The following DOCK7 variants were observed in gnomAD, a reference collection of about 807,000 sequenced individuals.
DOCK7 encodes the protein dedicator of cytokinesis 7, also known as dedicator of cytokinesis protein 7.
Under a neutral mutation model 271.0 loss-of-function variants are expected in DOCK7, and 138 were observed. That is an observed-to-expected ratio of 0.51 (90% confidence interval 0.44 to 0.59). The LOEUF (loss-of-function observed/expected upper bound fraction) is 0.59. Among genes scored for constraint, DOCK7 ranks in the 20% least tolerant of loss-of-function variants. The probability of loss-of-function intolerance (pLI) is 0.00; values close to 1 mark genes in which losing one functional copy is unlikely to be tolerated. For missense variants in DOCK7, 2,066 were observed against 2,592.4 expected, an observed-to-expected ratio of 0.80 and a Z score of 4.41; for synonymous variants, 823 against 876.1, an observed-to-expected ratio of 0.94 and a Z score of 1.07.
intron 1 of DOCK7, among the ~76,000 whole-genome samples, chr1:62,670,499 T>C (rs1294450773): frequency 6.8e-6 from 1 of 147,502 alleles, no homozygotes; most frequent in African/African-American, 2.5e-5. Context: ...TGGAGAACCT[T>C]TATGTCTAGC....
intron 1 of DOCK7, among the ~76,000 whole-genome samples, chr1:62,664,477 C>G (rs1659044838): frequency 6.6e-6 from 1 of 152,122 alleles, no homozygotes; most frequent in African/African-American, 2.4e-5. Context: ...TGAGGCCTCC[C>G]CAGCCATGTG....
intron 48 of DOCK7, among the ~76,000 whole-genome samples, chr1:62,468,163 C>T (rs1421751970): frequency 6.6e-6 from 1 of 151,936 alleles, no homozygotes; most frequent in African/African-American, 2.4e-5. Flanking sequence ...GAGTTCGAGA[C>T]CAGCCTGGCC....
intron 14 of DOCK7, among the ~76,000 whole-genome samples, chr1:62,618,255 C>T (rs1652704454): frequency 6.6e-6 from 1 of 152,108 alleles, no homozygotes; most frequent in Non-Finnish European, 1.5e-5. Context: ...TTTATTAGAA[C>T]ATAATGCAGG....
intron 16 of DOCK7, among the ~76,000 whole-genome samples, chr1:62,580,399 T>C (rs1331847911): frequency 6.6e-6 from 1 of 152,138 alleles, no homozygotes; most frequent in African/African-American, 2.4e-5. Flanking sequence ...TTACCAACAA[T>C]GTCAGATGGC....
In DOCK7 at chr1:62,620,140, T is replaced by G. The variant is rs1652975584; in HGVS notation, c.1426-147A>C. On this transcript the variant is annotated intron_variant, in intron 12 of 49. Coordinates refer to ENST00000635253, the MANE Select transcript of DOCK7 (RefSeq NM_001367561.1). ...TTTGAAACCAGCCTGGCCAACATGG[T>G]GAAACCCCGTCTCTACTAAAAATAC... 7 of 482,356 alleles carry G rather than the reference T, an allele frequency of 1.5e-5. No homozygotes were observed. The East Asian group carries it at 2.7e-4, about 18-fold the overall frequency. The allele number at this position is 482,356 out of a possible 1,614,324, so 29.9% of individuals were successfully genotyped here. A position where few individuals can be genotyped will look rare whatever the true frequency, so the allele number is the denominator to read the frequency against.
chr1:62,572,655 C>G (rs981331628), intron 18 of DOCK7, among the ~76,000 whole-genome samples: 10 of 152,168 alleles, frequency 6.6e-5, no homozygotes, highest in African/African-American at 1.9e-4. Context: ...ATGTCAAGCT[C>G]TCTGGTCTCT....
chr1:62,598,824 T>C, intron 14 of DOCK7: 1 of 1,430,338 alleles, frequency 7.0e-7, no homozygotes, highest in Non-Finnish European at 9.9e-7. Flanking sequence ...AGTATTTTAA[T>C]GGTATGTCCC....
intron 14 of DOCK7, among the ~76,000 whole-genome samples, chr1:62,599,045 C>T (rs1055488584): frequency 6.6e-6 from 1 of 152,012 alleles, no homozygotes; most frequent in Non-Finnish European, 1.5e-5. Flanking sequence ...CTCACATATA[C>T]TACAAAGATA....
Position 62,457,787 on chromosome 1 carries a change from A to G in DOCK7, c.6213-82T>C, listed in dbSNP as rs201946100. On this transcript the variant is annotated intron_variant, in intron 48 of 49. Coordinates refer to ENST00000635253, the MANE Select transcript of DOCK7 (RefSeq NM_001367561.1). ...TGCCATACACACGCAAAATACATAT[A>G]CATATATATGTGGGCTTAATGACAC... The G allele has an allele frequency of 2.3e-6, 3 of 1,298,476 alleles. No individual in the cohort carries two copies. The East Asian group carries it at 6.9e-5, about 30-fold the overall frequency. 80.4% of individuals were successfully genotyped at this position (1,298,476 alleles called of 1,614,324 possible).
At chr1:62,603,691 T>A (rs553942619) in intron 14 of DOCK7, among the ~76,000 whole-genome samples, 1 of 151,970 alleles carries the variant, frequency 6.6e-6, no homozygotes, top group Non-Finnish European at 1.5e-5. Flanking sequence ...ATATCTATAA[T>A]AATGTAACAC....
chr1:62,504,125 T>C (rs1646873534), intron 37 of DOCK7, among the ~76,000 whole-genome samples: 1 of 150,694 alleles, frequency 6.6e-6, no homozygotes, highest in Non-Finnish European at 1.5e-5. Flanking sequence ...CATTACTAAA[T>C]ATCAGAACCA....
chr1:62,485,052 T>C, intron 43 of DOCK7: 5 of 696,602 alleles, frequency 7.2e-6, no homozygotes, highest in Non-Finnish European at 8.8e-6. Context: ...GAAGATCACC[T>C]GAACTCAGGA....
At chr1:62,669,313 T>C (rs918626227) in intron 1 of DOCK7, among the ~76,000 whole-genome samples, 2 of 152,210 alleles carry the variant, frequency 1.3e-5, no homozygotes, top group East Asian at 1.9e-4. Context: ...AGCATGTAAG[T>C]TGAAAAGGTT....
At chr1:62,517,392 TC>T (rs1303131045) in intron 31 of DOCK7, among the ~76,000 whole-genome samples, 2 of 152,134 alleles carry the variant, frequency 1.3e-5, no homozygotes, top group Non-Finnish European at 1.5e-5. Context: ...AGTCAGGAGT[TC>T]GAGATCAGCC....
chr1:62,477,222 T>G (rs1645992803), intron 44 of DOCK7: 1 of 152,198 alleles, frequency 6.6e-6, no homozygotes, highest in Non-Finnish European at 1.5e-5. Flanking sequence ...TGGTGAAAAT[T>G]AAGAAATTAT....
At chr1:62,523,711 C>T (rs1226740224) in intron 31 of DOCK7, among the ~76,000 whole-genome samples, 1 of 151,752 alleles carries the variant, frequency 6.6e-6, no homozygotes, top group Non-Finnish European at 1.5e-5. Flanking sequence ...TACTAAAATA[C>T]AAAAAATTAG....
At chr1:62,458,034 C>A in intron 48 of DOCK7, 1 of 217,026 alleles carries the variant, frequency 4.6e-6, no homozygotes, top group Non-Finnish European at 9.4e-6. Flanking sequence ...CTCCTGTAGC[C>A]CCAGCTATTC....
intron 14 of DOCK7, 99 bp downstream of exon 14, chr1:62,618,607 A>T (rs928437891): frequency 9.0e-7 from 1 of 1,106,590 alleles, no homozygotes; most frequent in Non-Finnish European, 1.3e-6. Flanking sequence ...TAAGTAACAA[A>T]ACTACTTAAG....
intron 19 of DOCK7, 125 bp from the exon 20 acceptor site, chr1:62,559,345 C>T (rs1347484134): frequency 5.0e-6 from 3 of 597,854 alleles, no homozygotes; most frequent in Non-Finnish European, 8.5e-6. Context: ...AGTAGGTATA[C>T]AAACATTGTT....
Sources: allele counts gnomAD v4.1 joint callset (sites outside exome capture counted in the v4.1 genomes callset), GRCh38; gene constraint gnomAD v4.1.1; transcripts MANE v1.5; gene names NCBI Gene and HGNC (gene_info 2026-07-23, HGNC 2026-07-21).